ITPRID1: variants seen among roughly 807,000 people sequenced by gnomAD.
ITPRID1 encodes ITPR interacting domain containing 1.
A neutral mutation model predicts 95.4 loss-of-function variants in ITPRID1; 96 were observed. The ratio of observed to expected loss-of-function variants is 1.01; its 90% CI spans 0.85 to 1.19. The LOEUF (loss-of-function observed/expected upper bound fraction) is 1.19. Among genes scored for constraint, ITPRID1 ranks in the 50% most tolerant of loss-of-function variants. ITPRID1 has a pLI of 0.00. For synonymous variants in ITPRID1, 510 were observed against 453.6 expected (o/e 1.12, Z -1.58); for missense variants, 1,339 against 1,252.9 (o/e 1.07, Z -1.04).
At chr7:31,562,298 A>G (rs1232171170) in intron 5 of ITPRID1, among the ~76,000 whole-genome samples, 1 of 152,172 alleles carries the variant, frequency 6.6e-6, no homozygotes, top group Non-Finnish European at 1.5e-5. Context: ...ATCCAAGCAT[A>G]ACTGTGAGTG....
chr7:31,521,616 TTCCCTCC>T (rs1447314050), intron 1 of ITPRID1, among the ~76,000 whole-genome samples: 904 of 83,598 alleles, frequency 0.011, 18 homozygotes, highest in East Asian at 0.045. Context: ...TTTTTCTCCT[TTCCCTCC>T]TTCCTTCCTT....
intron 1 of ITPRID1, among the ~76,000 whole-genome samples, chr7:31,539,805 T>C (rs902122787): frequency 2.6e-5 from 4 of 152,040 alleles, no homozygotes; most frequent in South Asian, 2.1e-4. Flanking sequence ...GAGAAGTTTA[T>C]TGAAGCACTG....
chr7:31,619,691 G>C (rs1787620642), intron 10 of ITPRID1, among the ~76,000 whole-genome samples: 1 of 152,094 alleles, frequency 6.6e-6, no homozygotes, highest in African/African-American at 2.4e-5. Context: ...CAGAAGACGG[G>C]TGATTTCTGC....
At chr7:31,609,167 T>C (rs1256034699) in intron 10 of ITPRID1, among the ~76,000 whole-genome samples, 1 of 151,706 alleles carries the variant, frequency 6.6e-6, no homozygotes, top group Non-Finnish European at 1.5e-5. Flanking sequence ...ATTCCTGAGA[T>C]GGGTTCCACA....
At chr7:31,539,243 G>GGTGCCA (rs1298152605) in intron 1 of ITPRID1, among the ~76,000 whole-genome samples, 1 of 152,094 alleles carries the variant, frequency 6.6e-6, no homozygotes. Context: ...GGAGTGCAGT[G>GGTGCCA]GTGCCATCTT....
chr7:31,658,476 G>A (rs1167824220), downstream of ITPRID1: 20 of 1,230,464 alleles, frequency 1.6e-5, no homozygotes, highest in Non-Finnish European at 2.1e-5. Flanking sequence ...AGAGGTTAGA[G>A]TATCAAAGTG....
At chr7:31,580,425 T>G (rs922910142) in intron 9 of ITPRID1, among the ~76,000 whole-genome samples, 2 of 152,136 alleles carry the variant, frequency 1.3e-5, no homozygotes, top group Non-Finnish European at 2.9e-5. Context: ...GTTCTTCTGC[T>G]TCAAACTAGA....
intron 10 of ITPRID1, among the ~76,000 whole-genome samples, chr7:31,616,234 CT>C (rs1288979082): frequency 6.6e-6 from 1 of 152,092 alleles, no homozygotes; most frequent in Non-Finnish European, 1.5e-5. Flanking sequence ...AATCGTGCCT[CT>C]TTTTGATTAA....
At chr7:31,600,822 C>T (rs1335971790) in intron 10 of ITPRID1, among the ~76,000 whole-genome samples, 1 of 152,108 alleles carries the variant, frequency 6.6e-6, no homozygotes, top group East Asian at 1.9e-4. Context: ...GTTGCTTCTT[C>T]CTGGGGCTTG....
chr7:31,519,323 G>A (rs576539492), intron 1 of ITPRID1, among the ~76,000 whole-genome samples: 6 of 152,066 alleles, frequency 3.9e-5, no homozygotes, highest in East Asian at 1.9e-4. Context: ...TCAGACAGGC[G>A]TTTCTCATCA....
At chr7:31,614,815 TG>T (rs1787052079) in intron 10 of ITPRID1, among the ~76,000 whole-genome samples, 2 of 152,162 alleles carry the variant, frequency 1.3e-5, no homozygotes, top group African/African-American at 4.8e-5. Flanking sequence ...ATCATTTTTT[TG>T]AAATTACTTC....
chr7:31,514,889 C>T (rs2128125084), intron 1 of ITPRID1, among the ~76,000 whole-genome samples: 1 of 151,328 alleles, frequency 6.6e-6, no homozygotes, highest in East Asian at 1.9e-4. Flanking sequence ...TAATATTTTA[C>T]ATAATATATA....
chr7:31,522,233 A>G (rs1169166339), intron 1 of ITPRID1, among the ~76,000 whole-genome samples: 1 of 152,108 alleles, frequency 6.6e-6, no homozygotes, highest in Non-Finnish European at 1.5e-5. Flanking sequence ...CAGACCCACG[A>G]TTAAAGTATG....
At chr7:31,635,546 T>A (rs999969995) in intron 10 of ITPRID1, among the ~76,000 whole-genome samples, 2 of 152,198 alleles carry the variant, frequency 1.3e-5, no homozygotes, top group Admixed American at 1.3e-4. Flanking sequence ...ACAAGTACAG[T>A]TAATGAAAGG....
At chr7:31,537,095 TTGTG>T (rs66543091) in intron 1 of ITPRID1, among the ~76,000 whole-genome samples, 32,393 of 145,346 alleles carry the variant, frequency 0.22, 3,850 homozygotes, top group Admixed American at 0.32. Context: ...GGTGTGTGTG[TTGTG>T]TGTGTGTGTG....
chr7:31,651,357 T>C, intron 13 of ITPRID1, 88 bp downstream of exon 13: 1 of 1,442,640 alleles, frequency 6.9e-7, no homozygotes, highest in Non-Finnish European at 9.2e-7. Flanking sequence ...AGGAGCACCC[T>C]GGAGCAGAGC....
chr7:31,646,563 A>C (rs1433641105), intron 12 of ITPRID1, among the ~76,000 whole-genome samples: 1 of 152,182 alleles, frequency 6.6e-6, no homozygotes, highest in Non-Finnish European at 1.5e-5. Flanking sequence ...AGGGTGACCA[A>C]GTGTGGACCC....
intron 5 of ITPRID1, among the ~76,000 whole-genome samples, chr7:31,563,785 G>A (rs1282105502): frequency 6.6e-6 from 1 of 152,058 alleles, no homozygotes; most frequent in Admixed American, 6.5e-5. Context: ...GGGAGGAAGG[G>A]TCAAAGATAT....
chr7:31,521,408 T>G lies in ITPRID1; in HGVS notation c.-98+7288T>G, dbSNP rs148230655. 7.1e-3 allele frequency among the ~76,000 whole-genome samples: 1,089 copies of G among 152,336 alleles called. 11 individuals are homozygous for G. The highest frequency in any genetic ancestry group is 0.025 in the African/African-American group (1,045 of 41,576). The stretch of plus-strand genomic sequence containing the variant: ...TTTCAATTATTGGTTTTTAGTTTGA[T>G]TCTATCATGGCATGAGAACACACTT... On this transcript the variant is annotated intron_variant, in intron 1 of 14. Coordinates refer to ENST00000615280, the MANE Select transcript of ITPRID1 (RefSeq NM_001257967.3).
Sources: allele counts gnomAD v4.1 joint callset (sites outside exome capture counted in the v4.1 genomes callset), GRCh38; gene constraint gnomAD v4.1.1; transcripts MANE v1.5; gene names NCBI Gene and HGNC (gene_info 2026-07-23, HGNC 2026-07-21).